Variants in ATP13A5 observed in about 807,000 individuals in gnomAD.
The protein encoded by ATP13A5 is ATPase 13A5.
A neutral mutation model predicts 150.2 loss-of-function variants in ATP13A5; 149 were observed. The ratio of observed to expected loss-of-function variants is 0.99; its 90% CI spans 0.87 to 1.14. The LOEUF is 1.14. Ranked by LOEUF, ATP13A5 falls within the 50% of genes most tolerant of loss-of-function variation. ATP13A5 has a pLI of 0.00. For synonymous variants in ATP13A5, 497 were observed against 522.2 expected (o/e 0.95, Z 0.66); for missense variants, 1,383 against 1,449.3 (o/e 0.95, Z 0.74).
At chr3:193,289,747 G>T in intron 26 of ATP13A5, 138 bp downstream of exon 26, 7 of 713,184 alleles carry the variant, frequency 9.8e-6, no homozygotes, top group South Asian at 4.2e-5. Context: ...ACTGTGTTCT[G>T]TCCCATCATT....
chr3:193,334,778 G>T, intron 10 of ATP13A5, 151 bp downstream of exon 10: 1 of 663,650 alleles, frequency 1.5e-6, no homozygotes. Flanking sequence ...TAAAAATAGT[G>T]ACACTTTAGA....
At chr3:193,355,474 T>G (rs1381907626) in intron 5 of ATP13A5, among the ~76,000 whole-genome samples, 1 of 152,126 alleles carries the variant, frequency 6.6e-6, no homozygotes, top group African/African-American at 2.4e-5. Flanking sequence ...AAAGGACCAA[T>G]GGGGAGAATC....
At chr3:193,370,436 T>G (rs1713400369) in intron 1 of ATP13A5, among the ~76,000 whole-genome samples, 1 of 152,192 alleles carries the variant, frequency 6.6e-6, no homozygotes, top group Non-Finnish European at 1.5e-5. Flanking sequence ...AAAATGTGAC[T>G]GCTTGTAAAA....
intron 23 of ATP13A5, 121 bp downstream of exon 23, chr3:193,305,438 T>C: frequency 1.2e-6 from 1 of 826,354 alleles, no homozygotes; most frequent in Non-Finnish European, 2.0e-6. Flanking sequence ...GGTTCTCCAA[T>C]AGCACTTCAC....
intron 7 of ATP13A5, among the ~76,000 whole-genome samples, chr3:193,346,445 A>G (rs1029358656): frequency 6.6e-6 from 1 of 152,156 alleles, no homozygotes; most frequent in Non-Finnish European, 1.5e-5. Context: ...GGGCAACATC[A>G]GCGAGAGAAA....
chr3:193,285,712 C>T (rs2108822143), intron 26 of ATP13A5, among the ~76,000 whole-genome samples: 1 of 152,266 alleles, frequency 6.6e-6, no homozygotes, highest in East Asian at 1.9e-4. Context: ...GGATTATTCC[C>T]TGTTCCCCAC....
At chr3:193,346,055 T>C (rs1712323930) in intron 7 of ATP13A5, among the ~76,000 whole-genome samples, 1 of 152,124 alleles carries the variant, frequency 6.6e-6, no homozygotes, top group Non-Finnish European at 1.5e-5. Flanking sequence ...AAGTCGTGAA[T>C]CTTGTGCTAC....
At chr3:193,307,123 A>C (rs570437279) in intron 22 of ATP13A5, 1 of 1,400,582 alleles carries the variant, frequency 7.1e-7, no homozygotes, top group South Asian at 1.6e-5. Flanking sequence ...TTATTCTAGG[A>C]GTTTCCAGAA....
At chr3:193,300,154 C>T (rs1332377810) in intron 24 of ATP13A5, among the ~76,000 whole-genome samples, 1 of 152,160 alleles carries the variant, frequency 6.6e-6, no homozygotes, top group African/African-American at 2.4e-5. Context: ...CCAATTCTTC[C>T]TGTCTTCTTT....
At chr3:193,346,687 A>C (rs1712352017) in intron 7 of ATP13A5, among the ~76,000 whole-genome samples, 2 of 152,216 alleles carry the variant, frequency 1.3e-5, no homozygotes, top group South Asian at 4.1e-4. Context: ...ATTACACATA[A>C]TTAGGCAACT....
intron 18 of ATP13A5, 176 bp from the exon 19 acceptor site, chr3:193,314,369 A>T (rs753023082): frequency 9.4e-5 from 57 of 605,064 alleles, no homozygotes; most frequent in Non-Finnish European, 1.4e-4. Context: ...CTATGTTCCC[A>T]TCTCCCTCTC....
At chr3:193,332,803 C>T (rs1244985642) in intron 11 of ATP13A5, among the ~76,000 whole-genome samples, 2 of 152,126 alleles carry the variant, frequency 1.3e-5, no homozygotes, top group African/African-American at 2.4e-5. Context: ...AGTCTTGTTG[C>T]CTCAGTGTGT....
rs1340950092 is a variant in ATP13A5, at chr3:193,314,155, A to T, written c.2197T>A (p.Ser733Thr). 1 of 1,613,860 alleles carries T rather than the reference A, an allele frequency of 6.2e-7. No homozygotes were observed. The highest frequency in any genetic ancestry group is 2.2e-5 in the East Asian group (1 of 44,862). The stretch of plus-strand genomic sequence containing the variant: ...TGGCTGCCTGGAGGGATCATTTCAG[A>T]ATTCTTTGCAACAGTAATGGCCGTT... ...LQTAITVAKN[S>T]EMIPPGSQVI... The change falls in exon 19 of 30, where the codon TCT becomes ACT. Residue 733 changes from serine to threonine, a missense_variant. Around this residue, in one of 3 missense-constraint regions of ATP13A5, gnomAD observed 568 missense variants for 621.5 expected, o/e 0.91. Transcript: ENST00000342358.
At chr3:193,362,994 G>T (rs909242791) in intron 3 of ATP13A5, among the ~76,000 whole-genome samples, 1 of 151,874 alleles carries the variant, frequency 6.6e-6, no homozygotes, top group Non-Finnish European at 1.5e-5. Context: ...TAGAGATGAG[G>T]TTTTGCCATG....
chr3:193,334,139 A>G (rs1180483397), intron 10 of ATP13A5, among the ~76,000 whole-genome samples: 1 of 152,224 alleles, frequency 6.6e-6, no homozygotes, highest in Non-Finnish European at 1.5e-5. Context: ...AACATTTAAA[A>G]AAATTAGATA....
chr3:193,274,959 G>A lies in ATP13A5; in HGVS notation c.*83C>T, dbSNP rs906960699. The A allele has an allele frequency of 6.6e-7, 1 of 1,521,812 alleles. No individual in the cohort carries two copies. Among genetic ancestry groups the A allele is most frequent in the Non-Finnish European group, 9.0e-7 (1 of 1,116,496 alleles). 94.3% of individuals were successfully genotyped at this position (1,521,812 alleles called of 1,614,324 possible). On this transcript the variant is annotated 3_prime_UTR_variant, in exon 30 of 30. Coordinates refer to ENST00000342358, the MANE Select transcript of ATP13A5 (RefSeq NM_198505.4). Reference sequence around the variant, plus strand: ...CTTGAATGGAGAGAGGAAAGGTAAGGGGAGAGTATCATCACTTCTCCACAA... The same window carrying A: ...CTTGAATGGAGAGAGGAAAGGTAAGAGGAGAGTATCATCACTTCTCCACAA...
intron 17 of ATP13A5, among the ~76,000 whole-genome samples, chr3:193,316,100 T>C (rs1386168272): frequency 6.6e-6 from 1 of 152,188 alleles, no homozygotes; most frequent in Non-Finnish European, 1.5e-5. Context: ...TAGCATGATG[T>C]CTTTCAGTTT....
chr3:193,333,760 ATATATACCCC>A lies in ATP13A5; in HGVS notation c.1252_1261del (p.Gly418CysfsTer11), dbSNP rs1315320428. ...ACCCCCAGTACTTACTCCATGGTAC[ATATATACCCC>A]TAGGGCATAGAAAAAACCCATGACA... On this transcript the variant is annotated frameshift_variant, in exon 11 of 30. Coordinates refer to ENST00000342358, the MANE Select transcript of ATP13A5 (RefSeq NM_198505.4). LOFTEE classifies it high-confidence loss of function. The A allele has an allele frequency of 6.2e-7, 1 of 1,613,742 alleles. No homozygotes were observed. Among genetic ancestry groups the A allele is most frequent in the Admixed American group, 1.7e-5 (1 of 59,992 alleles).
At chr3:193,366,935 T>C (rs1255633697) in intron 1 of ATP13A5, among the ~76,000 whole-genome samples, 1 of 152,000 alleles carries the variant, frequency 6.6e-6, no homozygotes, top group African/African-American at 2.4e-5. Flanking sequence ...AACAACATAT[T>C]TTGAAATAAC....
Sources: gnomAD v4.1 joint callset for allele counts (sites outside exome capture counted in the v4.1 genomes callset) on GRCh38, gnomAD v4.1.1 for gene constraint, gnomAD v4.1.1 regional missense constraint, MANE v1.5 for transcripts, NCBI Gene and HGNC (gene_info 2026-07-23, HGNC 2026-07-21) for gene names.